The following CXADR variants were observed in gnomAD, a reference collection of about 807,000 sequenced individuals.
CXADR encodes the protein CXADR cell adhesion molecule.
In CXADR, 20 loss-of-function variants were observed where a neutral mutation model predicts 40.3. The observed-to-expected ratio is 0.50, with a 90% CI of 0.35 to 0.72. CXADR has a LOEUF of 0.72. CXADR is among the 30% of genes least tolerant of loss of function. CXADR has a pLI of 0.01. For missense variants in CXADR, 332 were observed against 449.1 expected (o/e 0.74, Z 2.36); for synonymous variants, 150 against 161.3 (o/e 0.93, Z 0.53).
chr21:17,521,085 G>C (rs1184419360), intron 1 of CXADR, among the ~76,000 whole-genome samples: 1 of 152,142 alleles, frequency 6.6e-6, no homozygotes, highest in Non-Finnish European at 1.5e-5. Context: ...GGTAGGACTA[G>C]AAGAGAAGGT....
chr21:17,567,184 G>T lies in CXADR; in HGVS notation c.*1492G>T. The T allele has an allele frequency of 1.0e-6, 1 of 985,238 alleles. No individual in the cohort carries two copies. The highest frequency in any genetic ancestry group is 1.2e-6 in the Non-Finnish European group (1 of 829,826). 61.0% of individuals were successfully genotyped at this position (985,238 alleles called of 1,614,324 possible). A position where few individuals can be genotyped will look rare whatever the true frequency, so the allele number is the denominator to read the frequency against. ...AAACCTTTCCCTAGATTTTAGTAGG[G>T]AGTTGGTTTCTGTTAATATCTTTGG... is the stretch of plus-strand genomic sequence containing the variant. On this transcript the variant is annotated 3_prime_UTR_variant, in exon 7 of 7. Coordinates refer to ENST00000284878, the MANE Select transcript of CXADR (RefSeq NM_001338.5).
rs573152735 is a variant in CXADR at position 17,541,234 on chromosome 21, A to C, written c.44-5793A>C. Among the ~76,000 whole-genome samples, 23 of 152,214 alleles carry C rather than the reference A, an allele frequency of 1.5e-4. 1 individual carries two copies. In the South Asian group the frequency reaches 2.9e-3, roughly 19 times the overall value. On this transcript the variant is annotated intron_variant, in intron 1 of 6. Coordinates refer to ENST00000284878, the MANE Select transcript of CXADR (RefSeq NM_001338.5). ...CATGCAGCCACCATTATAGTATTAC[A>C]CAGAAGCATTTCCCTGCCCTAAAAA...
At chr21:17,620,906 C>G in the CXADR span, among the ~76,000 whole-genome samples, 7 of 152,170 alleles carry the variant, frequency 4.6e-5, no homozygotes, top group Non-Finnish European at 8.8e-5. Flanking sequence ...ACAGGGCAAG[C>G]TGGCAGGCTG....
the CXADR span, among the ~76,000 whole-genome samples, chr21:17,630,650 C>CTTTTTT: frequency 9.4e-4 from 110 of 116,790 alleles, no homozygotes; most frequent in African/African-American, 2.3e-3. Context: ...CTTCCTTCTT[C>CTTTTTT]TTTTTTTTTT....
intron 2 of CXADR, among the ~76,000 whole-genome samples, chr21:17,547,841 G>A (rs566651476): frequency 6.6e-6 from 1 of 151,834 alleles, no homozygotes; most frequent in African/African-American, 2.4e-5. Context: ...AAAATATTTA[G>A]TCTTAAATTT....
At chr21:17,620,491 A>T in the CXADR span, among the ~76,000 whole-genome samples, 1 of 152,226 alleles carries the variant, frequency 6.6e-6, no homozygotes, top group Non-Finnish European at 1.5e-5. Context: ...TAACAGATAT[A>T]TTAATTTTGA....
chr21:17,590,195 TA>T (rs370739641), intron 7 of CXADR, among the ~76,000 whole-genome samples: 51 of 151,080 alleles, frequency 3.4e-4, no homozygotes, highest in African/African-American at 1.2e-3. Flanking sequence ...TTATGTTTCT[TA>T]ACTTTTATGG....
chr21:17,528,137 G>C (rs770269284), intron 1 of CXADR, among the ~76,000 whole-genome samples: 1 of 139,208 alleles, frequency 7.2e-6, no homozygotes, highest in African/African-American at 2.7e-5. Flanking sequence ...GCAGTGGTGA[G>C]ATCACAGCTC....
downstream of CXADR, chr21:17,594,237 A>G (rs765374841): frequency 6.2e-7 from 1 of 1,613,342 alleles, no homozygotes; most frequent in Non-Finnish European, 8.5e-7. Flanking sequence ...CAGGAGGAGG[A>G]TAGTGATTCT....
intron 2 of CXADR, among the ~76,000 whole-genome samples, chr21:17,549,500 G>A (rs1267895422): frequency 6.6e-6 from 1 of 152,198 alleles, no homozygotes; most frequent in African/African-American, 2.4e-5. Flanking sequence ...CTGCATCTTT[G>A]TTGTGTGACT....
At chr21:17,575,712 CT>C (rs1171660889) in intron 7 of CXADR, among the ~76,000 whole-genome samples, 1 of 150,104 alleles carries the variant, frequency 6.7e-6, no homozygotes, top group African/African-American at 2.5e-5. Context: ...TCAGGATGGT[CT>C]TGATCTCCTG....
rs71189554 is a variant in CXADR, at chr21:17,586,401, GTA to G, written c.1018-6738_1018-6737del. Among the ~76,000 whole-genome samples the G allele has an allele frequency of 7.0e-3, 1,014 of 145,360 alleles. 57 individuals are homozygous for G. In the East Asian group the frequency reaches 0.13, roughly 19 times the overall value. On this transcript the variant is annotated intron_variant, in intron 7 of 7. Transcript: ENST00000400169. ...ATGTGTGTATATATATATATAATGT[GTA>G]TATATATATATAATATATATTATAT...
chr21:17,605,288 T>A, the CXADR span, among the ~76,000 whole-genome samples: 4 of 152,142 alleles, frequency 2.6e-5, no homozygotes, highest in Non-Finnish European at 5.9e-5. Flanking sequence ...GCACGGAGTA[T>A]GAAAGTTGCA....
the CXADR span, chr21:17,598,600 G>A: frequency 6.2e-7 from 1 of 1,607,904 alleles, no homozygotes; most frequent in Non-Finnish European, 8.5e-7. Flanking sequence ...TTAAAACTGA[G>A]CTGTTTTCAT....
At chr21:17,531,228 G>A (rs1479973006) in intron 1 of CXADR, among the ~76,000 whole-genome samples, 1 of 151,958 alleles carries the variant, frequency 6.6e-6, no homozygotes, top group Non-Finnish European at 1.5e-5. Context: ...GAACCAGGGA[G>A]GCGGAGGTTG....
At chr21:17,537,524 A>G (rs919428944) in intron 1 of CXADR, among the ~76,000 whole-genome samples, 1 of 152,182 alleles carries the variant, frequency 6.6e-6, no homozygotes, top group Non-Finnish European at 1.5e-5. Context: ...TGCCTAACTC[A>G]TAATTCATAG....
At chr21:17,586,170 T>C (rs1157103527) in intron 7 of CXADR, among the ~76,000 whole-genome samples, 1 of 152,106 alleles carries the variant, frequency 6.6e-6, no homozygotes, top group Non-Finnish European at 1.5e-5. Flanking sequence ...TGTCTTATCT[T>C]TTAATATTTT....
At chr21:17,534,689 CTTGTCT>C (rs1417316649) in intron 1 of CXADR, among the ~76,000 whole-genome samples, 2 of 151,786 alleles carry the variant, frequency 1.3e-5, no homozygotes, top group Non-Finnish European at 2.9e-5. Flanking sequence ...CAAAATTACA[CTTGTCT>C]TTATCAATCT....
intron 1 of CXADR, among the ~76,000 whole-genome samples, chr21:17,546,797 G>T (rs1476616635): frequency 6.6e-6 from 1 of 152,136 alleles, no homozygotes; most frequent in South Asian, 2.1e-4. Context: ...AGTTCACAGC[G>T]TTCCTTAAGG....
Sources: gnomAD v4.1 joint callset for allele counts (sites outside exome capture counted in the v4.1 genomes callset) on GRCh38, gnomAD v4.1.1 for gene constraint, MANE v1.5 for transcripts, NCBI Gene and HGNC (gene_info 2026-07-23, HGNC 2026-07-21) for gene names.